Variants in DENND2B observed in about 807,000 individuals in gnomAD.
The protein encoded by DENND2B is DENN domain containing 2B.
In DENND2B, 32 loss-of-function variants were observed where a neutral mutation model predicts 116.0. That is an observed-to-expected ratio of 0.28 (90% CI 0.21 to 0.37). The LOEUF is 0.37. Ranked by LOEUF, DENND2B falls within the 10% of genes least tolerant of loss-of-function variation. The pLI, the probability that DENND2B is intolerant of heterozygous loss-of-function variation, is 1.00. For missense variants in DENND2B, 1,276 were observed against 1,477.7 expected (o/e 0.86, Z 2.24); for synonymous variants, 588 against 583.9 (o/e 1.01, Z -0.10).
At chr11:8,778,062 G>C (rs2057937834) in intron 1 of DENND2B, among the ~76,000 whole-genome samples, 2 of 152,190 alleles carry the variant, frequency 1.3e-5, no homozygotes, top group Non-Finnish European at 2.9e-5. Flanking sequence ...GTACAGCTCA[G>C]GTCAGCCAGA....
At chr11:8,876,483 C>A (rs2063842442) in intron 2 of DENND2B, among the ~76,000 whole-genome samples, 1 of 152,134 alleles carries the variant, frequency 6.6e-6, no homozygotes. Flanking sequence ...AATCAAAGTT[C>A]TCTTTCTATA....
chr11:8,718,006 C>G, intron 4 of DENND2B, 114 bp from the exon 5 acceptor site: 1 of 1,241,720 alleles, frequency 8.1e-7, no homozygotes, highest in Non-Finnish European at 1.1e-6. Flanking sequence ...ATGGCTTCTG[C>G]CTGGCCCCTC....
chr11:8,835,242 T>C (rs1445265335), intron 4 of DENND2B, among the ~76,000 whole-genome samples: 1 of 152,192 alleles, frequency 6.6e-6, no homozygotes, highest in East Asian at 1.9e-4. Flanking sequence ...AGACTCTGTC[T>C]CCAAACAAAC....
At position 8,707,928 on chromosome 11, in the gene DENND2B, C is replaced by T. The variant is rs745619560; in HGVS notation, c.2353-74G>A. On this transcript the variant is annotated intron_variant, in intron 11 of 19. Coordinates refer to ENST00000313726, the MANE Select transcript of DENND2B (RefSeq NM_213618.2). This position sits in a 1 kb window ranked among gnomAD's most constrained non-coding sequence, Gnocchi z 4.8. ...ATGATTACCATTTCTGGCTCCTTTTCCTTGGGAACGGAGGAGTAAGGACTG... is the reference window on the plus strand; with the variant it reads ...ATGATTACCATTTCTGGCTCCTTTTTCTTGGGAACGGAGGAGTAAGGACTG... The T allele has an allele frequency of 1.3e-6, 2 of 1,553,628 alleles. No homozygotes were observed. Among genetic ancestry groups the T allele is most frequent in the Non-Finnish European group, 1.7e-6 (2 of 1,150,778 alleles).
chr11:8,835,409 CT>C (rs1231521548), intron 4 of DENND2B, among the ~76,000 whole-genome samples: 6 of 152,214 alleles, frequency 3.9e-5, no homozygotes, highest in Non-Finnish European at 8.8e-5. Flanking sequence ...TCCCAAATGT[CT>C]GACTGTCCTT....
At chr11:8,761,691 C>G (rs1300023991) in intron 1 of DENND2B, among the ~76,000 whole-genome samples, 1 of 152,206 alleles carries the variant, frequency 6.6e-6, no homozygotes, top group East Asian at 1.9e-4. Context: ...TTCCCACGCT[C>G]TCTGGTCTAG....
chr11:8,708,896 A>G (rs879644811), intron 11 of DENND2B, among the ~76,000 whole-genome samples: 3 of 151,304 alleles, frequency 2.0e-5, no homozygotes, highest in Non-Finnish European at 2.9e-5. Flanking sequence ...GGTTGCAGTG[A>G]GCCGAGATCA....
intron 1 of DENND2B, among the ~76,000 whole-genome samples, chr11:8,797,536 C>T (rs1195732622): frequency 6.9e-6 from 1 of 144,870 alleles, no homozygotes; most frequent in Non-Finnish European, 1.5e-5. Context: ...TTCCCCCTTT[C>T]CCCCTTTCCT....
intron 1 of DENND2B, among the ~76,000 whole-genome samples, chr11:8,793,356 G>T (rs114634921): frequency 0.014 from 2,165 of 152,110 alleles, 65 homozygotes; most frequent in African/African-American, 0.05. Context: ...CTCTCCCCAA[G>T]CTCCTGGTTT....
intron 2 of DENND2B, among the ~76,000 whole-genome samples, chr11:8,859,737 T>C (rs1414657422): frequency 6.6e-6 from 1 of 152,232 alleles, no homozygotes; most frequent in Non-Finnish European, 1.5e-5. Context: ...TTATAAGTTA[T>C]ATCCTCAGCA....
At chr11:8,697,711 G>A (rs2040623781) in intron 16 of DENND2B, 75 bp from the exon 17 acceptor site, 1 of 938,068 alleles carries the variant, frequency 1.1e-6, no homozygotes, top group African/African-American at 1.6e-5. Context: ...CCTGTTAGAA[G>A]AGCGTGAGTA....
intron 3 of DENND2B, among the ~76,000 whole-genome samples, chr11:8,843,976 A>G (rs1321545624): frequency 6.6e-6 from 1 of 152,206 alleles, no homozygotes; most frequent in Non-Finnish European, 1.5e-5. Flanking sequence ...ACTCCATTGT[A>G]AATGTCTGTT....
At chr11:8,768,766 G>A (rs1197345495) in intron 1 of DENND2B, 1 of 152,550 alleles carries the variant, frequency 6.6e-6, no homozygotes, top group African/African-American at 2.4e-5. Flanking sequence ...TGCTCACCAA[G>A]CACACTAAAG....
intron 2 of DENND2B, among the ~76,000 whole-genome samples, chr11:8,741,911 A>G (rs1020810403): frequency 1.7e-4 from 24 of 142,608 alleles, no homozygotes; most frequent in Non-Finnish European, 1.4e-4. Context: ...TCTTTTTGAG[A>G]GACAGTGTCT....
At chr11:8,718,107 C>CCCCCACCA (rs1592654848) in intron 4 of DENND2B, 3 of 275,772 alleles carry the variant, frequency 1.1e-5, no homozygotes, top group Non-Finnish European at 2.0e-5. Context: ...CCCCCCCACC[C>CCCCCACCA]CCCCCAACCC....
intron 4 of DENND2B, among the ~76,000 whole-genome samples, chr11:8,720,839 T>G (rs1031078430): frequency 6.6e-6 from 1 of 151,800 alleles, no homozygotes; most frequent in African/African-American, 2.4e-5. Context: ...TGGCTCAGAG[T>G]TGGAGGAGAC....
intron 1 of DENND2B, among the ~76,000 whole-genome samples, chr11:8,769,642 GTC>G (rs2056513654): frequency 6.6e-6 from 1 of 152,180 alleles, no homozygotes; most frequent in Admixed American, 6.6e-5. Flanking sequence ...GGACCCTGCA[GTC>G]AGCTGCTGTG....
At chr11:8,780,056 A>AG (rs915773730) in intron 1 of DENND2B, among the ~76,000 whole-genome samples, 8 of 152,178 alleles carry the variant, frequency 5.3e-5, no homozygotes, top group African/African-American at 1.9e-4. Context: ...GAGCAGGAGA[A>AG]GGGGGGCAGT....
At chr11:8,733,849 GC>G (rs1280970718) in intron 2 of DENND2B, among the ~76,000 whole-genome samples, 2 of 152,194 alleles carry the variant, frequency 1.3e-5, no homozygotes, top group Non-Finnish European at 2.9e-5. Flanking sequence ...TGCCTACCCT[GC>G]TTCAACTGAG....
Sources: gnomAD v4.1 joint callset for allele counts (sites outside exome capture counted in the v4.1 genomes callset) on GRCh38, gnomAD v4.1.1 for gene constraint, Gnocchi (gnomAD v3.1) non-coding constraint, MANE v1.5 for transcripts, NCBI Gene and HGNC (gene_info 2026-07-23, HGNC 2026-07-21) for gene names.